NPR1: variants seen among roughly 807,000 people sequenced by gnomAD.
The protein encoded by NPR1 is natriuretic peptide receptor 1.
A neutral mutation model predicts 116.9 loss-of-function variants in NPR1; 57 were observed. The ratio of observed to expected loss-of-function variants is 0.49; its 90% confidence interval spans 0.39 to 0.61. The LOEUF (loss-of-function observed/expected upper bound fraction) is 0.61. Among genes scored for constraint, NPR1 ranks in the 20% least tolerant of loss-of-function variants. The pLI, the probability that NPR1 is intolerant of heterozygous loss-of-function variation, is 0.00. For missense variants in NPR1, 1,096 were observed against 1,409.8 expected (o/e 0.78, Z 3.56); for synonymous variants, 555 against 601.6 (o/e 0.92, Z 1.13).
At position 153,679,895 on chromosome 1, in the gene NPR1, C is replaced by T. The variant is rs1669714383; in HGVS notation, c.721+66C>T. 1 of 1,503,320 alleles carries T rather than the reference C, an allele frequency of 6.7e-7. No individual in the cohort carries two copies. Among genetic ancestry groups the T allele is most frequent in the Non-Finnish European group, 8.8e-7 (1 of 1,135,696 alleles). The allele number at this position is 1,503,320 out of a possible 1,614,324, so 93.1% of individuals were successfully genotyped here. On this transcript the variant is annotated intron_variant, in intron 1 of 21. Transcript: ENST00000368680. This position sits in a 1 kb window ranked among gnomAD's most constrained non-coding sequence, Gnocchi z 4.2. ...GGCCTCCCCTCTGACCTGCCGGAGG[C>T]ATCGGGACTTTCTCTCTCATCTGGG... is the stretch of plus-strand genomic sequence containing the variant.
chr1:153,689,507 T>C lies in NPR1; in HGVS notation c.2743T>C (p.Phe915Leu). The C allele has an allele frequency of 6.2e-7, 1 of 1,614,046 alleles. No homozygotes were observed. The highest frequency in any genetic ancestry group is 2.2e-5 in the East Asian group (1 of 44,878). Residue 915 changes from phenylalanine to leucine, a missense_variant, in exon 18 of 22, where the codon TTT becomes CTT. Phe to Leu is a conservative substitution (Grantham distance 22). Transcript: ENST00000368680. This position sits in a 1 kb window ranked among gnomAD's most constrained non-coding sequence, Gnocchi z 5.1. ...YTCFDAVIDN[F>L]DVYKVETIGD... is the part of the protein sequence containing the mutation. Reference sequence around the variant, plus strand: ...TTGCTTTGATGCTGTCATAGACAACTTTGATGTGTACAAGGTGAGGGTGGG... The same window carrying C: ...TTGCTTTGATGCTGTCATAGACAACCTTGATGTGTACAAGGTGAGGGTGGG...
rs890210408 is a variant in NPR1, at chr1:153,680,860, G to T, written c.921+160G>T. On this transcript the variant is annotated intron_variant, in intron 2 of 21. Transcript: ENST00000368680. Reference sequence around the variant, plus strand: ...CTCACAGAACAGAAAAGAGGTTGGTGATGCTCACTGGGAATTAGGCAATGA... The same window carrying T: ...CTCACAGAACAGAAAAGAGGTTGGTTATGCTCACTGGGAATTAGGCAATGA... 10 of 674,256 alleles carry T rather than the reference G, an allele frequency of 1.5e-5. No homozygotes were observed. In the African/African-American group the frequency reaches 1.8e-4, roughly 12 times the overall value. 41.8% of individuals were successfully genotyped at this position (674,256 alleles called of 1,614,324 possible). A position where few individuals can be genotyped will look rare whatever the true frequency, so the allele number is the denominator to read the frequency against.
chr1:153,684,813 C>T, intron 7 of NPR1, 151 bp from the exon 8 acceptor site: 1 of 1,103,502 alleles, frequency 9.1e-7, no homozygotes. Context: ...GAATTTCCCC[C>T]AGCCATCCTG....
At chr1:153,683,940 C>T in intron 7 of NPR1, 116 bp downstream of exon 7, 1 of 824,356 alleles carries the variant, frequency 1.2e-6, no homozygotes, top group Middle Eastern at 3.0e-4. Flanking sequence ...CAGGGGAAAA[C>T]CAAGGGAGAT....
In NPR1 at chr1:153,693,390, GA is replaced by G; in HGVS notation, c.3163del (p.Arg1055GlyfsTer46). On this transcript the variant is annotated frameshift_variant, in exon 22 of 22. Transcript: ENST00000368680. LOFTEE classifies it high-confidence loss of function. ...TTCGGACCTACTGGCTCCTTGGGGA[GA>G]GGGGGAGTAGCACCCGAGGCTGACC... ...KVRTYWLLGERGSSTRG is the reference protein window; with the variant it reads ...KVRTYWLLGEXGSSTRG 6 of 1,612,564 alleles carry G rather than the reference GA, an allele frequency of 3.7e-6. No homozygotes were observed. The highest frequency in any genetic ancestry group is 5.1e-6 in the Non-Finnish European group (6 of 1,179,268).
rs1384551446 is a variant in NPR1 at position 153,678,983 on chromosome 1, C to A, written c.-126C>A. On this transcript the variant is annotated 5_prime_UTR_variant, in exon 1 of 22. Coordinates refer to ENST00000368680, the MANE Select transcript of NPR1 (RefSeq NM_000906.4). This position sits in a 1 kb window ranked among gnomAD's most constrained non-coding sequence, Gnocchi z 5.8. ...AGGGGGCCTCGAGCCCCGGGGTGAG[C>A]GTCCCCGTCCCGCTCCTGCTCCTTC... The A allele has an allele frequency of 7.5e-6, 9 of 1,206,642 alleles. No homozygotes were observed. Among genetic ancestry groups the A allele is most frequent in the Non-Finnish European group, 7.5e-6 (7 of 929,472 alleles). The allele number at this position is 1,206,642 out of a possible 1,614,324, so 74.7% of individuals were successfully genotyped here.
intron 4 of NPR1, among the ~76,000 whole-genome samples, chr1:153,682,252 G>T (rs1669802137): frequency 6.6e-6 from 1 of 151,834 alleles, no homozygotes; most frequent in South Asian, 2.1e-4. Context: ...TAGAGACAGG[G>T]TTTCACCACG....
At position 153,681,164 on chromosome 1, in the gene NPR1, C is replaced by G; in HGVS notation, c.922-16C>G. The stretch of plus-strand genomic sequence containing the variant: ...TCAGCTCCCAACTCTCTGCTCTCCA[C>G]TGACCCCTTTCTCAGGCTGCCAAAA... On this transcript the variant is annotated splice_polypyrimidine_tract_variant and intron_variant, in intron 2 of 21. Transcript: ENST00000368680. 1 of 1,495,422 alleles carries G rather than the reference C, an allele frequency of 6.7e-7. No homozygotes were observed. The highest frequency in any genetic ancestry group is 9.3e-7 in the Non-Finnish European group (1 of 1,071,932). 92.6% of individuals were successfully genotyped at this position (1,495,422 alleles called of 1,614,324 possible).
chr1:153,686,524 T>C, intron 10 of NPR1, 122 bp from the exon 11 acceptor site: 4 of 841,214 alleles, frequency 4.8e-6, no homozygotes, highest in Non-Finnish European at 3.9e-6. Flanking sequence ...CCAGGGAAGA[T>C]CTTAGTGATG....
rs933594533 is a variant in NPR1 at position 153,683,744 on chromosome 1, C to G, written c.1404C>G (p.His468Gln). ...AATATGGACTCTCTCCTGCAGATCA[C>G]CTTTCCACCCTGGAGGTGCTGGCTT... ...DNEDPACNQD[H>Q]LSTLEVLALV... Residue 468 changes from histidine (H) to glutamine (Q), a missense_variant, in exon 7 of 22, where the codon CAC (histidine) becomes CAG (glutamine). By Grantham distance (24) the His-to-Gln change is conservative. Transcript: ENST00000368680. The G allele has an allele frequency of 1.1e-5, 18 of 1,614,170 alleles. No individual in the cohort carries two copies. Among genetic ancestry groups the G allele is most frequent in the Non-Finnish European group, 1.5e-5 (18 of 1,180,006 alleles).
chr1:153,687,504 G>A, intron 13 of NPR1, 130 bp from the exon 14 acceptor site: 1 of 1,473,642 alleles, frequency 6.8e-7, no homozygotes, highest in Non-Finnish European at 9.2e-7. Flanking sequence ...AGACGAAGTG[G>A]TTTCTAAGGC....
At position 153,678,856 on chromosome 1, in the gene NPR1, T is replaced by C; in HGVS notation, c.-253T>C. ...CTCCCAGTTGTTCACACTCGGGTCCTCTCCAGCCCGACGTTCTCCTGGCAC... is the reference window on the plus strand; with the variant it reads ...CTCCCAGTTGTTCACACTCGGGTCCCCTCCAGCCCGACGTTCTCCTGGCAC... On this transcript the variant is annotated 5_prime_UTR_variant, in exon 1 of 22. Coordinates refer to ENST00000368680, the MANE Select transcript of NPR1 (RefSeq NM_000906.4). This position sits in a 1 kb window ranked among gnomAD's most constrained non-coding sequence, Gnocchi z 5.8. 2.1e-6 allele frequency: 1 copy of C among 484,418 alleles called. No individual in the cohort carries two copies. The allele number at this position is 484,418 out of a possible 1,614,324, so 30.0% of individuals were successfully genotyped here.
Position 153,686,152 on chromosome 1 carries a change from C to A in NPR1, c.1710C>A (p.Asn570Lys). The change falls in exon 10 of 22, where the codon AAC (asparagine) becomes AAA (lysine). Residue 570 changes from asparagine to lysine, a missense_variant. By Grantham distance (94) the Asn-to-Lys change is moderately conservative. Coordinates refer to ENST00000368680, the MANE Select transcript of NPR1 (RefSeq NM_000906.4). ...ACCTCGTGGCTGTGAAACGTGTGAA[C>A]CGTAAACGCATTGAGCTGACACGAA... ...KGNLVAVKRV[N>K]RKRIELTRKV... 8 of 1,614,120 alleles carry A rather than the reference C, an allele frequency of 5.0e-6. No individual in the cohort carries two copies. The highest frequency in any genetic ancestry group is 6.8e-6 in the Non-Finnish European group (8 of 1,180,018).
intron 9 of NPR1, 86 bp downstream of exon 9, chr1:153,685,966 G>A: frequency 6.9e-7 from 1 of 1,442,498 alleles, no homozygotes; most frequent in Non-Finnish European, 9.7e-7. Context: ...CTGAGGGAAG[G>A]AGTAAGCTGG....
At chr1:153,691,378 C>A (rs1670105058) in intron 20 of NPR1, among the ~76,000 whole-genome samples, 1 of 152,208 alleles carries the variant, frequency 6.6e-6, no homozygotes. Context: ...TATTGAGTGA[C>A]TACTGAGTGC....
Position 153,679,969 on chromosome 1 carries a change from G to T in NPR1, c.721+140G>T, listed in dbSNP as rs886128724. 6 of 1,193,222 alleles carry T rather than the reference G, an allele frequency of 5.0e-6. No individual in the cohort carries two copies. In the Admixed American group the frequency reaches 1.1e-4, roughly 23 times the overall value. 73.9% of individuals were successfully genotyped at this position (1,193,222 alleles called of 1,614,324 possible). A position where few individuals can be genotyped will look rare whatever the true frequency, so the allele number is the denominator to read the frequency against. On this transcript the variant is annotated intron_variant, in intron 1 of 21. Transcript: ENST00000368680. The surrounding 1 kb of genome is among the most constrained non-coding windows in gnomAD (Gnocchi z 4.2). ...TTCTTCATTCTACTTTCAGCTCCCTGGCCCTTTCTACAGCTGAGTTTCTAT... is the reference window on the plus strand; with the variant it reads ...TTCTTCATTCTACTTTCAGCTCCCTTGCCCTTTCTACAGCTGAGTTTCTAT...
chr1:153,692,992 A>C, intron 20 of NPR1, 114 bp from the exon 21 acceptor site: 2 of 833,494 alleles, frequency 2.4e-6, no homozygotes, highest in Non-Finnish European at 3.9e-6. Context: ...CAAAAGAGGG[A>C]GAGAGGGTAC....
chr1:153,686,709 A>G lies in NPR1; in HGVS notation c.1822A>G (p.Ile608Val). 6.2e-7 allele frequency: 1 copy of G among 1,613,810 alleles called. No homozygotes were observed. Among genetic ancestry groups the G allele is most frequent in the East Asian group, 2.2e-5 (1 of 44,864 alleles). ...GGGAGCCTGCACCGACCCCCCCAAT[A>G]TCTGCATCCTCACAGAGTACTGTCC... ...FVGACTDPPN[I>V]CILTEYCPRG... Residue 608 changes from isoleucine (I) to valine (V), a missense_variant, in exon 11 of 22, where the codon ATC (isoleucine) becomes GTC (valine). Transcript: ENST00000368680.
Position 153,690,491 on chromosome 1 carries a change from C to T in NPR1, c.3031+109C>T, listed in dbSNP as rs1571353657. 8 of 714,356 alleles carry T rather than the reference C, an allele frequency of 1.1e-5. No homozygotes were observed. In the East Asian group the frequency reaches 2.2e-4, roughly 20 times the overall value. The allele number at this position is 714,356 out of a possible 1,614,324, so 44.3% of individuals were successfully genotyped here. ...CCCGTTTCAGCTCCTAGCCCTTTCGCCTCCCAAGTTCCCCTTCTCATAATA... is the reference window on the plus strand; with the variant it reads ...CCCGTTTCAGCTCCTAGCCCTTTCGTCTCCCAAGTTCCCCTTCTCATAATA... On this transcript the variant is annotated intron_variant, in intron 20 of 21. Transcript: ENST00000368680.
Sources: gnomAD v4.1 joint callset for allele counts (sites outside exome capture counted in the v4.1 genomes callset) on GRCh38, gnomAD v4.1.1 for gene constraint, Gnocchi (gnomAD v3.1) non-coding constraint, MANE v1.5 for transcripts, NCBI Gene and HGNC (gene_info 2026-07-23, HGNC 2026-07-21) for gene names.